ATP6V0E1: variants seen among roughly 807,000 people sequenced by gnomAD.
The protein encoded by ATP6V0E1 is V-type proton ATPase subunit e 1.
Under a neutral mutation model 11.6 loss-of-function variants are expected in ATP6V0E1, and 4 were observed. That is an observed-to-expected ratio of 0.35 (90% CI 0.17 to 0.79). The LOEUF is 0.79. ATP6V0E1 is among the 30% of genes least tolerant of loss of function. The probability of loss-of-function intolerance (pLI) is 0.54; values close to 1 mark genes in which losing one functional copy is unlikely to be tolerated. For synonymous variants in ATP6V0E1, 36 were observed against 34.8 expected, an observed-to-expected ratio of 1.04 and a Z score of -0.13; for missense variants, 105 against 100.0, an observed-to-expected ratio of 1.05 and a Z score of -0.21.
At chr5:173,005,889 A>G (rs1185002211) in intron 2 of ATP6V0E1, among the ~76,000 whole-genome samples, 1 of 152,214 alleles carries the variant, frequency 6.6e-6, no homozygotes, top group Non-Finnish European at 1.5e-5. Context: ...TTTAATTTCT[A>G]AATATCTGGT....
At chr5:172,995,764 G>A (rs187774876) in intron 2 of ATP6V0E1, among the ~76,000 whole-genome samples, 4 of 152,124 alleles carry the variant, frequency 2.6e-5, no homozygotes, top group Admixed American at 1.3e-4. Context: ...ATAGTCATGC[G>A]CCACCATGCT....
At chr5:173,015,047 A>G (rs1422021211) in intron 2 of ATP6V0E1, among the ~76,000 whole-genome samples, 2 of 152,198 alleles carry the variant, frequency 1.3e-5, no homozygotes, top group African/African-American at 2.4e-5. Flanking sequence ...ATCAGTGCTC[A>G]GTGGATGGAT....
chr5:173,016,021 G>T lies in ATP6V0E1; in HGVS notation c.153-4217G>T, dbSNP rs1016223687. On this transcript the variant is annotated intron_variant, in intron 2 of 3. Coordinates refer to ENST00000519374, the MANE Select transcript of ATP6V0E1 (RefSeq NM_003945.4). ...TTACAGGCGTGAGCCACCATGCCCA[G>T]ATTGTAGTATCTTTTATAGTAAACC... Among the ~76,000 whole-genome samples, 15 of 152,334 alleles carry T rather than the reference G, an allele frequency of 9.8e-5. 1 individual carries two copies. The highest frequency in any genetic ancestry group is 3.4e-3 in the Middle Eastern group (1 of 294).
At position 172,983,927 on chromosome 5, in the gene ATP6V0E1, T is replaced by C. The variant is rs760673025; in HGVS notation, c.67T>C (p.Leu23=). 6.2e-7 allele frequency: 1 copy of C among 1,613,186 alleles called. No individual in the cohort carries two copies. The change falls in exon 1 of 4, where the codon TTG becomes CTG. Residue 23 remains leucine (L), a synonymous_variant. Coordinates refer to ENST00000519374, the MANE Select transcript of ATP6V0E1 (RefSeq NM_003945.4). ...CGTGTTCTGGGGCTTCGTCGGCTTC[T>C]TGGTGCCTTGGTTCATCCCTAAGGG... is the stretch of plus-strand genomic sequence containing the variant. ...MSVFWGFVGF[L]VPWFIPKGPN...
intron 2 of ATP6V0E1, among the ~76,000 whole-genome samples, chr5:173,010,182 G>A (rs1756297555): frequency 1.3e-5 from 2 of 152,162 alleles, no homozygotes; most frequent in Admixed American, 6.5e-5. Context: ...GGGAACCTCG[G>A]GAGAATTGAA....
At chr5:172,985,865 G>A (rs1755889684) in intron 1 of ATP6V0E1, among the ~76,000 whole-genome samples, 2 of 152,200 alleles carry the variant, frequency 1.3e-5, no homozygotes, top group Non-Finnish European at 2.9e-5. Context: ...GCTTTTGTGT[G>A]AACAAAGAGT....
chr5:173,023,483 AC>A lies in ATP6V0E1; in HGVS notation c.*36+3118del, dbSNP rs1358036763. Among the ~76,000 whole-genome samples, 3 of 152,238 alleles carry A rather than the reference AC, an allele frequency of 2.0e-5. No individual in the cohort carries two copies. In the South Asian group the frequency reaches 6.2e-4, roughly 32 times the overall value. ...AATACTGGGATTATAGGCGTAAGCC[AC>A]CATTCCCGTCTGATTTTTCAATTGT... On this transcript the variant is annotated intron_variant, in intron 3 of 3. Transcript: ENST00000519374.
At chr5:172,999,535 C>T (rs1329425345) in intron 2 of ATP6V0E1, among the ~76,000 whole-genome samples, 4 of 152,154 alleles carry the variant, frequency 2.6e-5, no homozygotes, top group Non-Finnish European at 5.9e-5. Flanking sequence ...GTTTGTTGCC[C>T]AGGCTAGTCT....
At chr5:173,030,497 G>A (rs1238632388) in intron 3 of ATP6V0E1, among the ~76,000 whole-genome samples, 2 of 147,942 alleles carry the variant, frequency 1.4e-5, no homozygotes, top group African/African-American at 5.0e-5. Flanking sequence ...CTGGAGTACA[G>A]TGGCATGATC....
chr5:172,997,823 A>G, intron 2 of ATP6V0E1, among the ~76,000 whole-genome samples: 1 of 147,354 alleles, frequency 6.8e-6, no homozygotes, highest in East Asian at 2.1e-4. Context: ...AAAAAAAAAA[A>G]AAAAAGTTCT....
chr5:173,017,802 C>T (rs1427960131), intron 2 of ATP6V0E1, among the ~76,000 whole-genome samples: 2 of 144,300 alleles, frequency 1.4e-5, no homozygotes, highest in African/African-American at 2.6e-5. Flanking sequence ...GATCGTGCCA[C>T]TGCACTCCAG....
intron 3 of ATP6V0E1, among the ~76,000 whole-genome samples, chr5:173,023,588 T>C (rs993464071): frequency 2.0e-5 from 3 of 152,258 alleles, no homozygotes; most frequent in South Asian, 2.1e-4. Context: ...CTCATGCCTG[T>C]AATCCCACTA....
chr5:173,008,776 T>C (rs1756266809), intron 2 of ATP6V0E1, among the ~76,000 whole-genome samples: 1 of 149,606 alleles, frequency 6.7e-6, no homozygotes. Flanking sequence ...CTGGGCGTGG[T>C]GGCGGGCGCC....
intron 2 of ATP6V0E1, among the ~76,000 whole-genome samples, chr5:173,009,457 T>TG (rs1491520654): frequency 6.0e-5 from 5 of 83,626 alleles, no homozygotes; most frequent in African/African-American, 3.1e-4. Context: ...GCCACTTCCC[T>TG]TTTTTTTTTT....
At position 173,020,129 on chromosome 5, in the gene ATP6V0E1, A is replaced by G. The variant is rs557926571; in HGVS notation, c.153-109A>G. On this transcript the variant is annotated intron_variant, in intron 2 of 3. Coordinates refer to ENST00000519374, the MANE Select transcript of ATP6V0E1 (RefSeq NM_003945.4). ...AATGTATATGGAAAGTTTGGTGTGAATGCAGTAGATTTAAGTTTTGCTAGT... is the reference window on the plus strand; with the variant it reads ...AATGTATATGGAAAGTTTGGTGTGAGTGCAGTAGATTTAAGTTTTGCTAGT... 4 of 807,226 alleles carry G rather than the reference A, an allele frequency of 5.0e-6. No homozygotes were observed. In the South Asian group the frequency reaches 6.3e-5, roughly 13 times the overall value. 50.0% of individuals were successfully genotyped at this position (807,226 alleles called of 1,614,324 possible). A position where few individuals can be genotyped will look rare whatever the true frequency, so the allele number is the denominator to read the frequency against.
intron 3 of ATP6V0E1, among the ~76,000 whole-genome samples, chr5:173,031,099 C>T (rs1288071903): frequency 6.6e-6 from 1 of 152,024 alleles, no homozygotes; most frequent in Non-Finnish European, 1.5e-5. Flanking sequence ...TGCCCGCCAC[C>T]ATACCTGGCT....
intron 2 of ATP6V0E1, among the ~76,000 whole-genome samples, chr5:173,006,087 T>C (rs1386928773): frequency 6.6e-6 from 1 of 152,208 alleles, no homozygotes; most frequent in Non-Finnish European, 1.5e-5. Context: ...TAGTATTCTA[T>C]ATCAGGTCAA....
chr5:173,005,079 C>G (rs1008327778), intron 2 of ATP6V0E1, among the ~76,000 whole-genome samples: 3 of 151,864 alleles, frequency 2.0e-5, no homozygotes, highest in African/African-American at 7.2e-5. Flanking sequence ...AAGTGTGAGT[C>G]CTCCATCTTT....
chr5:173,020,555 T>C, intron 3 of ATP6V0E1, 188 bp downstream of exon 3: 1 of 563,844 alleles, frequency 1.8e-6, no homozygotes, highest in South Asian at 2.0e-5. Context: ...TAAGATTCTT[T>C]TTAGATTCTG....
Sources: allele counts gnomAD v4.1 joint callset (sites outside exome capture counted in the v4.1 genomes callset), GRCh38; gene constraint gnomAD v4.1.1; transcripts MANE v1.5; gene names NCBI Gene and HGNC (gene_info 2026-07-23, HGNC 2026-07-21).